Variants in RPGRIP1 observed in about 807,000 individuals in gnomAD.
RPGRIP1 encodes RPGR interacting protein 1, also known as X-linked retinitis pigmentosa GTPase regulator-interacting protein 1.
In RPGRIP1, 128 loss-of-function variants were observed where a neutral mutation model predicts 157.9. The observed-to-expected ratio is 0.81, with a 90% confidence interval of 0.70 to 0.94. The LOEUF (loss-of-function observed/expected upper bound fraction) is 0.94. Among genes scored for constraint, RPGRIP1 ranks in the 40% least tolerant of loss-of-function variants. The pLI is 0.00. For missense variants in RPGRIP1, 1,486 were observed against 1,545.8 expected, an observed-to-expected ratio of 0.96 and a Z score of 0.65; for synonymous variants, 554 against 571.6, an observed-to-expected ratio of 0.97 and a Z score of 0.44.
intron 24 of RPGRIP1, among the ~76,000 whole-genome samples, 173 bp from the exon 25 acceptor site, chr14:21,350,931 A>G (rs985096419): frequency 6.6e-6 from 1 of 152,162 alleles, no homozygotes; most frequent in Non-Finnish European, 1.5e-5. Context: ...TTGTGCTTCC[A>G]TTTATTATAT....
chr14:21,294,929 C>T, intron 3 of RPGRIP1, 120 bp downstream of exon 3: 1 of 771,938 alleles, frequency 1.3e-6, no homozygotes, highest in Non-Finnish European at 1.8e-6. Flanking sequence ...ACTGCAACCT[C>T]CGCCTCCAGA....
At chr14:21,342,736 T>A (rs58685090) in intron 21 of RPGRIP1, among the ~76,000 whole-genome samples, 4,475 of 152,184 alleles carry the variant, frequency 0.029, 116 homozygotes, top group East Asian at 0.13. Context: ...CATTTTTTTT[T>A]ATTCTTTCTA....
intron 23 of RPGRIP1, among the ~76,000 whole-genome samples, chr14:21,347,212 C>T (rs956131398): frequency 1.3e-5 from 2 of 152,220 alleles, no homozygotes; most frequent in African/African-American, 4.8e-5. Flanking sequence ...GCTTTGTAAT[C>T]AGACCAACCT....
At chr14:21,321,230 C>G (rs532534314) in intron 12 of RPGRIP1, 29 bp from the exon 13 acceptor site, 4 of 1,601,304 alleles carry the variant, frequency 2.5e-6, no homozygotes, top group South Asian at 2.3e-5. Context: ...TATTTATACT[C>G]CCTTTTACCA....
intron 2 of RPGRIP1, 116 bp from the exon 3 acceptor site, chr14:21,294,561 T>G: frequency 9.4e-7 from 1 of 1,066,950 alleles, no homozygotes; most frequent in South Asian, 1.6e-5. Context: ...GATTTCCTCA[T>G]AAATACTTGA....
intron 14 of RPGRIP1, chr14:21,324,412 A>G: frequency 1.7e-6 from 1 of 604,908 alleles, no homozygotes. Context: ...CCTTCTCCCT[A>G]AAGCTGGCAT....
At chr14:21,342,295 C>A (rs576499192) in intron 21 of RPGRIP1, among the ~76,000 whole-genome samples, 1 of 152,144 alleles carries the variant, frequency 6.6e-6, no homozygotes, top group African/African-American at 2.4e-5. Context: ...TCATCTCAGC[C>A]ACTTTGGGAG....
At chr14:21,316,046 G>A (rs1008044142) in intron 10 of RPGRIP1, among the ~76,000 whole-genome samples, 2 of 146,414 alleles carry the variant, frequency 1.4e-5, no homozygotes, top group African/African-American at 2.6e-5. Context: ...GCGCAGTCTC[G>A]GCTCACTGCA....
chr14:21,326,522 A>G (rs982141121), intron 17 of RPGRIP1, among the ~76,000 whole-genome samples: 4 of 152,062 alleles, frequency 2.6e-5, no homozygotes, highest in African/African-American at 9.7e-5. Flanking sequence ...GACATGCGCC[A>G]CCACACCCGG....
chr14:21,313,287 C>T (rs745994258), intron 10 of RPGRIP1, among the ~76,000 whole-genome samples: 2 of 150,496 alleles, frequency 1.3e-5, no homozygotes, highest in Non-Finnish European at 2.9e-5. Flanking sequence ...GGATAACTTG[C>T]GCCTAGAAGT....
At chr14:21,321,075 G>A (rs1859856653) in intron 12 of RPGRIP1, among the ~76,000 whole-genome samples, 184 bp from the exon 13 acceptor site, 1 of 152,174 alleles carries the variant, frequency 6.6e-6, no homozygotes, top group African/African-American at 2.4e-5. Context: ...TCCCTTCACT[G>A]CTGCTACTGA....
chr14:21,350,646 T>C (rs1268375006), intron 24 of RPGRIP1, among the ~76,000 whole-genome samples: 2 of 152,322 alleles, frequency 1.3e-5, no homozygotes, highest in East Asian at 3.9e-4. Context: ...CAGCAGTCTC[T>C]ATCTTACTGA....
intron 10 of RPGRIP1, among the ~76,000 whole-genome samples, chr14:21,317,211 G>A (rs962279363): frequency 1.3e-5 from 2 of 152,152 alleles, no homozygotes; most frequent in African/African-American, 4.8e-5. Context: ...ACAATAGGGT[G>A]GAGGATACAG....
At chr14:21,306,519 C>T (rs1054006878) in intron 6 of RPGRIP1, among the ~76,000 whole-genome samples, 14 of 150,786 alleles carry the variant, frequency 9.3e-5, no homozygotes, top group South Asian at 2.1e-4. Context: ...AGTGCAGTGG[C>T]GAGATCTCAG....
chr14:21,297,834 A>ATTCTTTCT (rs55920234), intron 3 of RPGRIP1, among the ~76,000 whole-genome samples: 15,127 of 133,014 alleles, frequency 0.11, 1,038 homozygotes, highest in East Asian at 0.15. Flanking sequence ...TCAATAAATT[A>ATTCTTTCT]TTCTTTCTTT....
chr14:21,350,207 C>G (rs1473081858), intron 24 of RPGRIP1, among the ~76,000 whole-genome samples: 1 of 152,026 alleles, frequency 6.6e-6, no homozygotes, highest in Non-Finnish European at 1.5e-5. Context: ...GAAACCCCAT[C>G]TCTACTAAAA....
intron 1 of RPGRIP1, among the ~76,000 whole-genome samples, chr14:21,282,907 G>T (rs1167274362): frequency 6.6e-6 from 1 of 152,162 alleles, no homozygotes; most frequent in Non-Finnish European, 1.5e-5. Flanking sequence ...ACTGTGCCCG[G>T]CCTACATTCC....
rs546955248 is a variant in RPGRIP1 at position 21,351,179 on chromosome 14, C to G, written c.3824C>G (p.Ala1275Gly). 6.2e-7 allele frequency: 1 copy of G among 1,611,228 alleles called. No individual in the cohort carries two copies. The highest frequency in any genetic ancestry group is 2.2e-5 in the East Asian group (1 of 44,840). ...CTTCAAGCAGCTGCTGTCCTCCATG[C>G]TATTTACAAGGAGATGACTGAAGAT... ...VSLQAAAVLH[A>G]IYKEMTEDLF... The change falls in exon 25 of 25, where the codon GCT (alanine) becomes GGT (glycine). Residue 1275 changes from alanine to glycine, a missense_variant. Ala to Gly is a moderately conservative substitution (Grantham distance 60). Transcript: ENST00000400017.
At position 21,317,778 on chromosome 14, in the gene RPGRIP1, C is replaced by T; in HGVS notation, c.1234C>T (p.Gln412Ter). ...GGAACAGCTACAGCAGCAAGTCTCTCAGCTGCAGGATCAGCTGGATGCTGA... is the reference window on the plus strand; with the variant it reads ...GGAACAGCTACAGCAGCAAGTCTCTTAGCTGCAGGATCAGCTGGATGCTGA... Reference protein sequence around the residue: ...IAEQLQQQVSQLQDQLDAELE... With the variant: ...IAEQLQQQVS The change falls in exon 11 of 25, where the codon CAG becomes TAG. Residue 412 changes from glutamine to a stop codon, truncating the protein, a stop_gained. Transcript: ENST00000400017. LOFTEE classifies it high-confidence loss of function. 1 of 1,600,554 alleles carries T rather than the reference C, an allele frequency of 6.2e-7. No individual in the cohort carries two copies. Among genetic ancestry groups the T allele is most frequent in the Non-Finnish European group, 8.5e-7 (1 of 1,173,604 alleles).
Sources: allele counts gnomAD v4.1 joint callset (sites outside exome capture counted in the v4.1 genomes callset), GRCh38; gene constraint gnomAD v4.1.1; transcripts MANE v1.5; gene names NCBI Gene and HGNC (gene_info 2026-07-23, HGNC 2026-07-21).